The following CCDC144A variants were observed in gnomAD, a reference collection of about 807,000 sequenced individuals.
CCDC144A encodes the protein coiled-coil domain-containing protein 144A.
A neutral mutation model predicts 143.8 loss-of-function variants in CCDC144A; 41 were observed. That is an observed-to-expected ratio of 0.29 (90% CI 0.22 to 0.37). The LOEUF (loss-of-function observed/expected upper bound fraction) is 0.37, where lower values mean the gene tolerates loss of function less well. Ranked by LOEUF, CCDC144A falls within the 10% of genes least tolerant of loss-of-function variation. CCDC144A has a pLI of 1.00. For synonymous variants in CCDC144A, 242 were observed against 517.9 expected (o/e 0.47, Z 7.23); for missense variants, 637 against 1,488.8 (o/e 0.43, Z 9.41).
upstream of CCDC144A, among the ~76,000 whole-genome samples, chr17:16,688,468 C>G (rs1910859948): frequency 7.5e-6 from 1 of 134,132 alleles, no homozygotes; most frequent in African/African-American, 3.0e-5. Context: ...CAGGGTGATA[C>G]TTTTTTTCTT....
At chr17:16,740,612 G>A (rs1288876625) in intron 12 of CCDC144A, among the ~76,000 whole-genome samples, 3 of 152,108 alleles carry the variant, frequency 2.0e-5, no homozygotes, top group Non-Finnish European at 4.4e-5. Flanking sequence ...GTAAGGTAAA[G>A]GGGAAATTGC....
At chr17:16,683,973 G>T in the CCDC144A span, 72,936 of 1,087,740 alleles carry the variant, frequency 0.067, 3,303 homozygotes, top group South Asian at 0.15. Context: ...TTAACTGTAG[G>T]CATTAGACTT....
intron 16 of CCDC144A, chr17:16,772,514 A>C: frequency 1.4e-6 from 1 of 699,782 alleles, no homozygotes; most frequent in Non-Finnish European, 2.5e-6. Context: ...TTAACATGTA[A>C]TATAAACACC....
chr17:16,690,699 T>A lies in CCDC144A; in HGVS notation c.299T>A (p.Leu100Ter), dbSNP rs774457008. The change falls in exon 1 of 17, where the codon TTA (leucine) becomes TAA (stop). Residue 100 changes from leucine to a stop codon, truncating the protein, a stop_gained. Transcript: ENST00000399273. LOFTEE classifies it high-confidence loss of function. Reference protein sequence around the residue: ...SGDVPGVEHILAPGDTGVDKR... With the variant: ...SGDVPGVEHI Reference sequence around the variant, plus strand: ...GACGTCCCTGGGGTGGAGCACATCTTAGCTCCTGGAGACACTGGCGTGGAC... The same window carrying A: ...GACGTCCCTGGGGTGGAGCACATCTAAGCTCCTGGAGACACTGGCGTGGAC... The A allele has an allele frequency of 6.2e-7, 1 of 1,613,558 alleles. No homozygotes were observed. The highest frequency in any genetic ancestry group is 1.1e-5 in the South Asian group (1 of 91,048).
the CCDC144A span, chr17:16,683,740 T>A: frequency 1.3e-6 from 2 of 1,561,534 alleles, no homozygotes. Flanking sequence ...CGTGAGCCAC[T>A]GGATGGAGAT....
intron 12 of CCDC144A, among the ~76,000 whole-genome samples, chr17:16,750,202 T>C (rs1325402890): frequency 6.6e-6 from 1 of 152,070 alleles, no homozygotes; most frequent in Non-Finnish European, 1.5e-5. Context: ...GGCTATGTAC[T>C]TAGGTGTGTT....
At chr17:16,669,946 G>T in the CCDC144A span, among the ~76,000 whole-genome samples, 1 of 152,168 alleles carries the variant, frequency 6.6e-6, no homozygotes, top group African/African-American at 2.4e-5. Context: ...CCTTTGGGAG[G>T]CTGAGGGGGG....
intron 12 of CCDC144A, among the ~76,000 whole-genome samples, chr17:16,757,499 T>TG (rs1915149575): frequency 6.6e-6 from 1 of 152,186 alleles, no homozygotes; most frequent in African/African-American, 2.4e-5. Flanking sequence ...GAGGCCTGGG[T>TG]GGGGTGGGCT....
intron 12 of CCDC144A, among the ~76,000 whole-genome samples, chr17:16,759,802 A>G (rs1915276457): frequency 6.6e-6 from 1 of 152,244 alleles, no homozygotes; most frequent in South Asian, 2.1e-4. Context: ...TAGTGTCAAT[A>G]TCTGTATCAG....
intron 6 of CCDC144A, among the ~76,000 whole-genome samples, chr17:16,717,023 G>A (rs1179190819): frequency 2.7e-5 from 4 of 150,648 alleles, no homozygotes; most frequent in South Asian, 2.1e-4. Context: ...CCGTGGTCTC[G>A]ATCTCCTGAC....
chr17:16,698,404 AGTTGTGGG>A (rs1323932078), intron 2 of CCDC144A, among the ~76,000 whole-genome samples: 1 of 152,082 alleles, frequency 6.6e-6, no homozygotes, highest in Non-Finnish European at 1.5e-5. Context: ...ACAATCATAG[AGTTGTGGG>A]GTTCGCTGTT....
At chr17:16,759,948 T>C (rs1915284735) in intron 12 of CCDC144A, among the ~76,000 whole-genome samples, 1 of 152,214 alleles carries the variant, frequency 6.6e-6, no homozygotes, top group African/African-American at 2.4e-5. Flanking sequence ...GACTTAAAGC[T>C]GGGGACTAGA....
At chr17:16,675,725 C>G in the CCDC144A span, among the ~76,000 whole-genome samples, 3 of 151,976 alleles carry the variant, frequency 2.0e-5, no homozygotes, top group Non-Finnish European at 4.4e-5. Context: ...CATAAAGTTG[C>G]CCAGCTTCGT....
chr17:16,687,465 T>C (rs1269108436), upstream of CCDC144A, among the ~76,000 whole-genome samples: 18 of 152,212 alleles, frequency 1.2e-4, no homozygotes, highest in Non-Finnish European at 2.5e-4. Context: ...TTTGTTTTTT[T>C]ACAGCTTTTG....
chr17:16,724,787 A>ATTTTTTTTTTTTTTTTTT lies in CCDC144A; in HGVS notation c.1892-2721_1892-2704dup, dbSNP rs760344292. ...AGATTACACGTTCTTGATTAACTGA[A>ATTTTTTTTTTTTTTTTTT]TTTTTTTTTTTTTTTTTTTTTTTTT... On this transcript the variant is annotated intron_variant, in intron 8 of 16. Transcript: ENST00000399273. 1.7e-4 allele frequency among the ~76,000 whole-genome samples: 6 copies of ATTTTTTTTTTTTTTTTTT among 35,068 alleles called. 2 individuals are homozygous for ATTTTTTTTTTTTTTTTTT. Among genetic ancestry groups the ATTTTTTTTTTTTTTTTTT allele is most frequent in the Admixed American group, 4.8e-4 (1 of 2,086 alleles). 23.0% of individuals were successfully genotyped at this position (35,068 alleles called of 152,430 possible). A position where few individuals can be genotyped will look rare whatever the true frequency, so the allele number is the denominator to read the frequency against.
At chr17:16,752,407 C>A (rs1331706746) in intron 12 of CCDC144A, among the ~76,000 whole-genome samples, 5 of 152,186 alleles carry the variant, frequency 3.3e-5, no homozygotes, top group Non-Finnish European at 7.3e-5. Flanking sequence ...AGGGAGCACA[C>A]CCGGCTCCCA....
chr17:16,674,337 C>T, the CCDC144A span, among the ~76,000 whole-genome samples: 1 of 151,822 alleles, frequency 6.6e-6, no homozygotes, highest in East Asian at 1.9e-4. Context: ...TTGCTGGAGC[C>T]GGAAAAGTTG....
At position 16,770,630 on chromosome 17, in the gene CCDC144A, CTT is replaced by C. The variant is rs1460441744; in HGVS notation, c.4099-1345_4099-1344del. Among the ~76,000 whole-genome samples the C allele has an allele frequency of 1.2e-4, 18 of 151,964 alleles. No homozygotes were observed. The South Asian group carries it at 3.3e-3, about 28-fold the overall frequency. ...TTTGTTTCTTATGTAAAATTAAGGACTTTGACTAAATCAGTGACATTCATACG... is the reference window on the plus strand; with the variant it reads ...TTTGTTTCTTATGTAAAATTAAGGACTGACTAAATCAGTGACATTCATACG... On this transcript the variant is annotated intron_variant, in intron 15 of 16. Coordinates refer to ENST00000399273, the MANE Select transcript of CCDC144A (RefSeq NM_001382000.1).
intron 2 of CCDC144A, among the ~76,000 whole-genome samples, chr17:16,701,195 T>C (rs1412954120): frequency 6.6e-6 from 1 of 151,614 alleles, no homozygotes; most frequent in Non-Finnish European, 1.5e-5. Flanking sequence ...AATAATATTA[T>C]TTTCTGAGCA....
Sources: allele counts gnomAD v4.1 joint callset (sites outside exome capture counted in the v4.1 genomes callset), GRCh38; gene constraint gnomAD v4.1.1; transcripts MANE v1.5; gene names NCBI Gene and HGNC (gene_info 2026-07-23, HGNC 2026-07-21).